PTPRG: variants seen among roughly 807,000 people sequenced by gnomAD.
The protein encoded by PTPRG is protein tyrosine phosphatase receptor type G.
PTPRG carries 102 observed loss-of-function variants against 165.3 expected under a neutral mutation model. That is an observed-to-expected ratio of 0.62 (90% CI 0.53 to 0.73). PTPRG has a LOEUF of 0.73. Among genes scored for constraint, PTPRG ranks in the 30% least tolerant of loss-of-function variants. The pLI is 0.00. For missense variants in PTPRG, 1,866 were observed against 1,861.4 expected (o/e 1.00, Z -0.05); for synonymous variants, 675 against 669.5 (o/e 1.01, Z -0.13).
chr3:62,061,587 G>A (rs1282138750), intron 4 of PTPRG, among the ~76,000 whole-genome samples: 1 of 151,310 alleles, frequency 6.6e-6, no homozygotes, highest in Non-Finnish European at 1.5e-5. Context: ...CTAACTAGCA[G>A]CATCCAAAGC....
At position 62,054,959 on chromosome 3, in the gene PTPRG, G is replaced by A. The variant is rs533413394; in HGVS notation, c.520-23204G>A. On this transcript the variant is annotated intron_variant, in intron 4 of 29. Transcript: ENST00000474889. ...CCATGGGGAAATGGGTCAGGGGAGCGATTGCTCATTGGAATCAGGAAATAA... is the reference window on the plus strand; with the variant it reads ...CCATGGGGAAATGGGTCAGGGGAGCAATTGCTCATTGGAATCAGGAAATAA... 6.6e-5 allele frequency among the ~76,000 whole-genome samples: 10 copies of A among 152,268 alleles called. No homozygotes were observed. The South Asian group carries it at 1.0e-3, about 16-fold the overall frequency.
At chr3:62,073,986 T>C (rs1437306989) in intron 4 of PTPRG, among the ~76,000 whole-genome samples, 1 of 152,224 alleles carries the variant, frequency 6.6e-6, no homozygotes, top group Non-Finnish European at 1.5e-5. Context: ...ATTTGGGCAC[T>C]TGCCAAAACT....
chr3:62,111,348 G>A (rs1702660170), intron 5 of PTPRG, among the ~76,000 whole-genome samples: 1 of 152,194 alleles, frequency 6.6e-6, no homozygotes, highest in Admixed American at 6.5e-5. Context: ...ATCAAGTCCT[G>A]GAAAGTGATG....
Position 61,939,928 on chromosome 3 carries a change from C to CTTTTTTTT in PTPRG, c.191-49668_191-49661dup, listed in dbSNP as rs561334410. 2.2e-3 allele frequency among the ~76,000 whole-genome samples: 88 copies of CTTTTTTTT among 39,136 alleles called. 27 individuals are homozygous for CTTTTTTTT. The highest frequency in any genetic ancestry group is 5.5e-3 in the East Asian group (4 of 726). The allele number at this position is 39,136 out of a possible 152,430, so 25.7% of individuals were successfully genotyped here. ...TGTCTTGGCTTCCTTACTGACTTGT[C>CTTTTTTTT]TTTTTTTTTTTTTTTTTTTTTTTTT... On this transcript the variant is annotated intron_variant, in intron 2 of 29. Transcript: ENST00000474889.
intron 1 of PTPRG, among the ~76,000 whole-genome samples, chr3:61,714,455 G>A (rs1336531026): frequency 6.6e-6 from 1 of 152,142 alleles, no homozygotes; most frequent in Non-Finnish European, 1.5e-5. Context: ...AAGCAGCCAT[G>A]ATGGGACCAC....
intron 7 of PTPRG, among the ~76,000 whole-genome samples, chr3:62,157,565 C>T (rs1169104164): frequency 2.0e-5 from 3 of 152,090 alleles, no homozygotes; most frequent in Non-Finnish European, 2.9e-5. Context: ...AAATGTTGAC[C>T]CATTTCATCT....
chr3:61,911,060 G>A (rs911011924), intron 2 of PTPRG, among the ~76,000 whole-genome samples: 3 of 152,108 alleles, frequency 2.0e-5, no homozygotes, highest in South Asian at 2.1e-4. Context: ...CCTGGATAAC[G>A]TCTACTCTTC....
chr3:62,156,404 AT>A (rs1454422769), intron 6 of PTPRG, among the ~76,000 whole-genome samples: 1 of 152,178 alleles, frequency 6.6e-6, no homozygotes, highest in African/African-American at 2.4e-5. Context: ...CTGAACTTAA[AT>A]ATCATTTCTT....
At chr3:62,001,964 C>G (rs1559739644) in intron 3 of PTPRG, among the ~76,000 whole-genome samples, 1 of 152,194 alleles carries the variant, frequency 6.6e-6, no homozygotes, top group Non-Finnish European at 1.5e-5. Flanking sequence ...ATGCCCAACA[C>G]AGAGTGAAGG....
intron 2 of PTPRG, among the ~76,000 whole-genome samples, chr3:61,829,645 A>G (rs1337543543): frequency 6.6e-6 from 1 of 152,252 alleles, no homozygotes; most frequent in Non-Finnish European, 1.5e-5. Context: ...GGGAGAGTGT[A>G]TTAATCCACA....
At chr3:62,078,016 A>AT in intron 4 of PTPRG, 147 bp from the exon 5 acceptor site, 3 of 565,622 alleles carry the variant, frequency 5.3e-6, no homozygotes, top group East Asian at 3.4e-5. Context: ...AAAAAAAAAA[A>AT]GTTAGCAAAG....
chr3:61,723,400 A>G (rs1359700639), intron 1 of PTPRG, among the ~76,000 whole-genome samples: 1 of 152,046 alleles, frequency 6.6e-6, no homozygotes, highest in Non-Finnish European at 1.5e-5. Flanking sequence ...TATTACCATT[A>G]TAAATAGGAT....
chr3:62,130,764 C>T (rs771939286), intron 5 of PTPRG, among the ~76,000 whole-genome samples: 5 of 152,112 alleles, frequency 3.3e-5, no homozygotes, highest in South Asian at 2.1e-4. Context: ...GGTACAAATA[C>T]GATGTTTCTT....
At chr3:61,768,736 G>C (rs574172483) in intron 2 of PTPRG, among the ~76,000 whole-genome samples, 1 of 152,296 alleles carries the variant, frequency 6.6e-6, no homozygotes, top group South Asian at 2.1e-4. Flanking sequence ...CGTCCGATTA[G>C]AAAGTGAGGG....
chr3:61,732,487 G>A (rs537197740), intron 1 of PTPRG, among the ~76,000 whole-genome samples: 7 of 151,694 alleles, frequency 4.6e-5, no homozygotes, highest in African/African-American at 1.7e-4. Flanking sequence ...TGAGGCAGGG[G>A]AATGGCATGA....
At chr3:61,808,938 T>C (rs1448459481) in intron 2 of PTPRG, among the ~76,000 whole-genome samples, 1 of 150,502 alleles carries the variant, frequency 6.6e-6, no homozygotes, top group African/African-American at 2.5e-5. Flanking sequence ...TTTTAAAAAA[T>C]TATTTCTACT....
At chr3:61,847,144 A>G (rs2036829763) in intron 2 of PTPRG, among the ~76,000 whole-genome samples, 2 of 147,894 alleles carry the variant, frequency 1.4e-5, no homozygotes, top group African/African-American at 4.9e-5. Flanking sequence ...CTACAGATAT[A>G]ATGAGTTAAG....
At chr3:61,929,936 G>A (rs1195896518) in intron 2 of PTPRG, among the ~76,000 whole-genome samples, 6 of 152,120 alleles carry the variant, frequency 3.9e-5, no homozygotes, top group Admixed American at 2.6e-4. Flanking sequence ...TGAATTGTCA[G>A]TAATGAAATA....
intron 2 of PTPRG, among the ~76,000 whole-genome samples, chr3:61,837,376 T>C (rs992200507): frequency 2.1e-4 from 32 of 152,246 alleles, no homozygotes; most frequent in African/African-American, 7.7e-4. Flanking sequence ...TCTTTAGATC[T>C]TGACCTTTTG....
Sources: gnomAD v4.1 joint callset for allele counts (sites outside exome capture counted in the v4.1 genomes callset) on GRCh38, gnomAD v4.1.1 for gene constraint, MANE v1.5 for transcripts, NCBI Gene and HGNC (gene_info 2026-07-23, HGNC 2026-07-21) for gene names.